CNTNAP2: variants seen among roughly 807,000 people sequenced by gnomAD.
The protein encoded by CNTNAP2 is contactin associated protein 2.
CNTNAP2 carries 98 observed loss-of-function variants against 155.2 expected under a neutral mutation model. The observed-to-expected ratio is 0.63, with a 90% CI of 0.54 to 0.75. The LOEUF is 0.75. CNTNAP2 is among the 30% of genes least tolerant of loss of function. The probability of loss-of-function intolerance (pLI) is 0.00; values close to 1 mark genes in which losing one functional copy is unlikely to be tolerated. For missense variants in CNTNAP2, 1,727 were observed against 1,688.1 expected (o/e 1.02, Z -0.40); for synonymous variants, 651 against 631.2 (o/e 1.03, Z -0.47).
In CNTNAP2 at chr7:148,024,110, C is replaced by T. The variant is rs149333195; in HGVS notation, c.2383+46121C>T. On this transcript the variant is annotated intron_variant, in intron 15 of 23. Coordinates refer to ENST00000361727, the MANE Select transcript of CNTNAP2 (RefSeq NM_014141.6). ...TACAATTTACAAATAGTCTACTACA[C>T]ACTTCTTGCACTTGTGAATCACCCA... Among the ~76,000 whole-genome samples the T allele has an allele frequency of 6.5e-3, 896 of 138,852 alleles. 10 individuals are homozygous for T. Among genetic ancestry groups the T allele is most frequent in the African/African-American group, 0.022 (819 of 37,264 alleles). The allele number at this position is 138,852 out of a possible 152,430, so 91.1% of individuals were successfully genotyped here. A position where few individuals can be genotyped will look rare whatever the true frequency, so the allele number is the denominator to read the frequency against.
At chr7:148,198,066 A>T (rs1187922766) in intron 18 of CNTNAP2, among the ~76,000 whole-genome samples, 2 of 152,022 alleles carry the variant, frequency 1.3e-5, no homozygotes, top group Non-Finnish European at 2.9e-5. Context: ...GGAAAGTGAG[A>T]CTCCCAACTT....
chr7:147,214,877 G>C (rs903014219), intron 8 of CNTNAP2, among the ~76,000 whole-genome samples: 3 of 152,070 alleles, frequency 2.0e-5, no homozygotes, highest in Admixed American at 6.6e-5. Context: ...CCACATGGCC[G>C]GGGAGGCCTC....
intron 21 of CNTNAP2, among the ~76,000 whole-genome samples, chr7:148,316,267 A>G (rs1797687157): frequency 6.6e-6 from 1 of 152,194 alleles, no homozygotes; most frequent in African/African-American, 2.4e-5. Context: ...GCAGCACACC[A>G]ACATAGCACA....
At chr7:146,919,547 G>A (rs1302065052) in intron 3 of CNTNAP2, among the ~76,000 whole-genome samples, 3 of 152,180 alleles carry the variant, frequency 2.0e-5, no homozygotes, top group Non-Finnish European at 4.4e-5. Flanking sequence ...CCATCTTCGG[G>A]TCTTTCAGCC....
In CNTNAP2 at chr7:146,386,232, C is replaced by T. The variant is rs946216764; in HGVS notation, c.97+269259C>T. Among the ~76,000 whole-genome samples, 26 of 152,038 alleles carry T rather than the reference C, an allele frequency of 1.7e-4. 1 individual carries two copies. Among genetic ancestry groups the T allele is most frequent in the Admixed American group, 6.6e-5 (1 of 15,258 alleles). On this transcript the variant is annotated intron_variant, in intron 1 of 23. Transcript: ENST00000361727. ...AACACCCAAACTCCCATGCTCATCC[C>T]TCCTCCCCTCCATTTGTCCCATTAT...
In CNTNAP2 at chr7:146,200,222, C is replaced by T. The variant is rs1395350938; in HGVS notation, c.97+83249C>T. 3.9e-5 allele frequency among the ~76,000 whole-genome samples: 6 copies of T among 152,220 alleles called. No individual in the cohort carries two copies. The South Asian group carries it at 6.2e-4, about 16-fold the overall frequency. Reference sequence around the variant, plus strand: ...TCATAAAATTATAATACTGGCCGGGCGTGGGGCTCACGCCTGTAATTCCAG... The same window carrying T: ...TCATAAAATTATAATACTGGCCGGGTGTGGGGCTCACGCCTGTAATTCCAG... On this transcript the variant is annotated intron_variant, in intron 1 of 23. Transcript: ENST00000361727.
intron 9 of CNTNAP2, among the ~76,000 whole-genome samples, chr7:147,301,961 C>G (rs1480265379): frequency 1.3e-5 from 2 of 152,082 alleles, no homozygotes; most frequent in East Asian, 1.9e-4. Flanking sequence ...AAATCATGAA[C>G]TAGGGCTCTG....
chr7:147,642,011 C>CGT (rs3053478), intron 13 of CNTNAP2, among the ~76,000 whole-genome samples: 3,307 of 149,620 alleles, frequency 0.022, 58 homozygotes, highest in African/African-American at 0.046. Flanking sequence ...TGTGTGTGTG[C>CGT]GTGTGTGTGT....
intron 10 of CNTNAP2, among the ~76,000 whole-genome samples, chr7:147,472,441 G>A (rs1455620650): frequency 2.6e-5 from 4 of 151,910 alleles, no homozygotes; most frequent in Admixed American, 6.6e-5. Context: ...TCAAACTCCT[G>A]ACTTCAAGTG....
At chr7:147,761,405 A>C (rs1156503605) in intron 13 of CNTNAP2, among the ~76,000 whole-genome samples, 1 of 152,204 alleles carries the variant, frequency 6.6e-6, no homozygotes, top group Non-Finnish European at 1.5e-5. Context: ...AATGACATTC[A>C]AGTTCTGTTT....
In CNTNAP2 at chr7:146,770,945, G is replaced by A. The variant is rs17170257; in HGVS notation, c.98-3326G>A. ...ATTATTATCAAGTATGAGCTAGCCT[G>A]ATTGAGCAGGTATGGACTAGAAAAA... On this transcript the variant is annotated intron_variant, in intron 1 of 23. Transcript: ENST00000361727. Among the ~76,000 whole-genome samples, 1,654 of 152,198 alleles carry A rather than the reference G, an allele frequency of 0.011. 67 individuals are homozygous for A. In the East Asian group the frequency reaches 0.13, roughly 12 times the overall value.
chr7:147,883,010 T>C (rs906875179), intron 13 of CNTNAP2, among the ~76,000 whole-genome samples: 1 of 152,224 alleles, frequency 6.6e-6, no homozygotes, highest in Non-Finnish European at 1.5e-5. Flanking sequence ...TTCCGTAAAA[T>C]TGTCTTTCCT....
chr7:147,814,182 T>C (rs1369704617), intron 13 of CNTNAP2, among the ~76,000 whole-genome samples: 10 of 152,206 alleles, frequency 6.6e-5, no homozygotes, highest in Non-Finnish European at 1.3e-4. Context: ...GTTCTTTTAT[T>C]TTCCTAGAAA....
At chr7:147,917,407 A>G (rs1160464868) in intron 14 of CNTNAP2, among the ~76,000 whole-genome samples, 2 of 152,230 alleles carry the variant, frequency 1.3e-5, no homozygotes, top group Non-Finnish European at 2.9e-5. Flanking sequence ...AAGGAAGTCC[A>G]GGCTCCTTCC....
chr7:147,106,917 A>G (rs1350161796), intron 4 of CNTNAP2, among the ~76,000 whole-genome samples: 2 of 152,164 alleles, frequency 1.3e-5, no homozygotes, highest in African/African-American at 2.4e-5. Context: ...GAACTAGGAC[A>G]TGAAATGAGA....
chr7:146,708,268 A>C (rs1183050746), intron 1 of CNTNAP2, among the ~76,000 whole-genome samples: 1 of 152,132 alleles, frequency 6.6e-6, no homozygotes, highest in Non-Finnish European at 1.5e-5. Flanking sequence ...ATTATAATAC[A>C]GGACCTTACC....
Position 147,359,770 on chromosome 7 carries a change from T to C in CNTNAP2, c.1499-35839T>C, listed in dbSNP as rs74909273. On this transcript the variant is annotated intron_variant, in intron 9 of 23. Transcript: ENST00000361727. Reference sequence around the variant, plus strand: ...AAATATTGCCCAAATGTCACCTTCTTGATGAAGCCTTCCCTGACCGCCCTA... The same window carrying C: ...AAATATTGCCCAAATGTCACCTTCTCGATGAAGCCTTCCCTGACCGCCCTA... Among the ~76,000 whole-genome samples, 1,319 of 152,194 alleles carry C rather than the reference T, an allele frequency of 8.7e-3. 16 individuals are homozygous for C. The highest frequency in any genetic ancestry group is 0.03 in the African/African-American group (1,256 of 41,542).
At chr7:147,868,607 TGAGCTGTGGTGGGCTCTACCCAGTTC>T (rs969393970) in intron 13 of CNTNAP2, among the ~76,000 whole-genome samples, 3 of 152,250 alleles carry the variant, frequency 2.0e-5, no homozygotes, top group Non-Finnish European at 4.4e-5. Flanking sequence ...TAGGCCTTGC[TGAGCTGTGGTGGGCTCTACCCAGTTC>T]GAGCTTCCTG....
At chr7:147,334,874 T>C (rs1213091977) in intron 9 of CNTNAP2, among the ~76,000 whole-genome samples, 3 of 152,224 alleles carry the variant, frequency 2.0e-5, no homozygotes, top group Non-Finnish European at 4.4e-5. Flanking sequence ...ATTACATATG[T>C]CTACCTCCCT....
Sources: gnomAD v4.1 joint callset for allele counts (sites outside exome capture counted in the v4.1 genomes callset) on GRCh38, gnomAD v4.1.1 for gene constraint, MANE v1.5 for transcripts, NCBI Gene and HGNC (gene_info 2026-07-23, HGNC 2026-07-21) for gene names.